PHYKPL: variants seen among roughly 807,000 people sequenced by gnomAD.
PHYKPL encodes the protein 5-phosphohydroxy-L-lysine phospho-lyase.
A neutral mutation model predicts 51.3 loss-of-function variants in PHYKPL; 42 were observed. The ratio of observed to expected loss-of-function variants is 0.82; its 90% confidence interval spans 0.64 to 1.06. The LOEUF is 1.06. Ranked by LOEUF, PHYKPL falls within the 50% of genes least tolerant of loss-of-function variation. PHYKPL has a pLI of 0.00. For synonymous variants in PHYKPL, 264 were observed against 236.0 expected, an observed-to-expected ratio of 1.12 and a Z score of -1.09; for missense variants, 655 against 586.6, an observed-to-expected ratio of 1.12 and a Z score of -1.20.
Position 178,212,048 on chromosome 5 carries a change from C to G in PHYKPL, c.1304-78G>C, listed in dbSNP as rs77359479. On this transcript the variant is annotated intron_variant, in intron 11 of 12. Transcript: ENST00000308158. The stretch of plus-strand genomic sequence containing the variant: ...TGCCCTGTTGACTTCAGTGTCCAAA[C>G]TGGAGGACAGTTTAGAGATTGGGCC... The G allele has an allele frequency of 4.8e-4, 723 of 1,510,704 alleles. 2 individuals carry two copies. The African/African-American group carries it at 8.9e-3, about 19-fold the overall frequency. The allele number at this position is 1,510,704 out of a possible 1,614,324, so 93.6% of individuals were successfully genotyped here.
intron 3 of PHYKPL, chr5:178,228,683 A>G: frequency 1.4e-6 from 1 of 692,184 alleles, no homozygotes; most frequent in Middle Eastern, 2.3e-4. Flanking sequence ...CATCACTATA[A>G]TTCAACGCCA....
chr5:178,212,877 G>T, intron 11 of PHYKPL, 96 bp downstream of exon 11: 1 of 1,521,842 alleles, frequency 6.6e-7, no homozygotes, highest in Non-Finnish European at 8.9e-7. Context: ...TCTGCTCTTG[G>T]ACTCTTGTCC....
intron 12 of PHYKPL, chr5:178,210,830 A>G (rs1758072942): frequency 5.1e-6 from 3 of 591,704 alleles, no homozygotes; most frequent in East Asian, 5.7e-5. Flanking sequence ...CTGAGAGGCC[A>G]TAGCGCCATC....
At chr5:178,211,794 A>AG in intron 12 of PHYKPL, 96 bp downstream of exon 12, 5 of 794,170 alleles carry the variant, frequency 6.3e-6, no homozygotes, top group Non-Finnish European at 1.0e-5. Flanking sequence ...AACAAAAAAA[A>AG]GTCTTAAAAA....
At chr5:178,229,906 C>A in intron 3 of PHYKPL, 34 bp downstream of exon 3, 1 of 1,606,656 alleles carries the variant, frequency 6.2e-7, no homozygotes, top group Non-Finnish European at 8.5e-7. Context: ...TACCGTCTCA[C>A]CCTCTTCCCG....
chr5:178,211,261 C>T (rs1297616165), intron 12 of PHYKPL: 2 of 153,424 alleles, frequency 1.3e-5, no homozygotes, highest in Non-Finnish European at 2.9e-5. Context: ...GGGCTTTCTC[C>T]TGCAGCAGGC....
At chr5:178,231,848 A>G (rs1158888981) in intron 1 of PHYKPL, 4 of 1,344,650 alleles carry the variant, frequency 3.0e-6, no homozygotes. Flanking sequence ...TCCCATGGGG[A>G]CTCCATAAGG....
At chr5:178,223,548 GGGATACT>G in intron 6 of PHYKPL, 1 of 452,402 alleles carries the variant, frequency 2.2e-6, no homozygotes. Context: ...CCAATGGGAT[GGGATACT>G]GGTCCCCCAC....
intron 1 of PHYKPL, chr5:178,231,786 C>T: frequency 7.0e-7 from 1 of 1,438,614 alleles, no homozygotes; most frequent in Non-Finnish European, 9.3e-7. Context: ...TTGCTCATTT[C>T]TGCATGTGTC....
chr5:178,220,194 C>CAA (rs34898072), intron 8 of PHYKPL, among the ~76,000 whole-genome samples: 2,338 of 95,596 alleles, frequency 0.024, 50 homozygotes, highest in African/African-American at 0.081. Context: ...GACCCCGTTT[C>CAA]AAAAAAAAAA....
intron 11 of PHYKPL, among the ~76,000 whole-genome samples, chr5:178,212,212 T>C (rs961645649): frequency 6.6e-6 from 1 of 152,182 alleles, no homozygotes; most frequent in Non-Finnish European, 1.5e-5. Flanking sequence ...CAGCCTTTGC[T>C]CTCCACAAAC....
chr5:178,223,657 G>C (rs914314258), intron 6 of PHYKPL: 1 of 352,996 alleles, frequency 2.8e-6, no homozygotes, highest in African/African-American at 2.2e-5. Flanking sequence ...CCCTGGTCGG[G>C]TTCTGCTAAC....
In PHYKPL at chr5:178,231,436, T is replaced by C. The variant is rs759458689; in HGVS notation, c.147A>G (p.Glu49=). The C allele has an allele frequency of 2.5e-6, 4 of 1,614,202 alleles. No individual in the cohort carries two copies. Among genetic ancestry groups the C allele is most frequent in the Non-Finnish European group, 3.4e-6 (4 of 1,180,026 alleles). ...GQYMYDEQGA[E]YIDCISNVAH... is the part of the protein sequence containing the mutation. ...CCACATTGCTGATGCAATCGATGTA[T>C]TCTGCCCCCTGTTCATCGTACATGT... The change falls in exon 2 of 13, where the codon GAA becomes GAG. Residue 49 remains glutamate, a synonymous_variant. Coordinates refer to ENST00000308158, the MANE Select transcript of PHYKPL (RefSeq NM_153373.4).
intron 8 of PHYKPL, chr5:178,215,860 CTG>C: frequency 6.2e-6 from 1 of 162,462 alleles, no homozygotes; most frequent in Admixed American, 6.4e-5. Flanking sequence ...CTTCACACCC[CTG>C]GAGGGCTCTG....
chr5:178,210,988 A>AT (rs1369201934), intron 12 of PHYKPL: 1 of 239,160 alleles, frequency 4.2e-6, no homozygotes, highest in Non-Finnish European at 8.1e-6. Context: ...TCACCTTTTA[A>AT]TTTTATATTA....
At chr5:178,210,655 A>G (rs1581189673) in intron 12 of PHYKPL, 1 of 1,552,692 alleles carries the variant, frequency 6.4e-7, no homozygotes, top group Non-Finnish European at 8.9e-7. Flanking sequence ...CTGATCGCAC[A>G]CATGCTTTGT....
chr5:178,231,500 G>GA lies in PHYKPL; in HGVS notation c.82_83insT (p.Pro28LeufsTer6). The GA allele has an allele frequency of 6.2e-7, 1 of 1,614,116 alleles. No individual in the cohort carries two copies. Among genetic ancestry groups the GA allele is most frequent in the Non-Finnish European group, 8.5e-7 (1 of 1,180,022 alleles). On this transcript the variant is annotated frameshift_variant, in exon 2 of 13. Coordinates refer to ENST00000308158, the MANE Select transcript of PHYKPL (RefSeq NM_153373.4). LOFTEE classifies it high-confidence loss of function. ...CCGGACAATCTTAACAGGATCCTCG[G>GA]GAAAAAAGAGTCTGCAGGAAGAGCT... is the stretch of plus-strand genomic sequence containing the variant.
Position 178,210,260 on chromosome 5 carries a change from G to A in PHYKPL, c.*32-1345C>T, listed in dbSNP as rs369576001. The A allele has an allele frequency of 7.9e-5, 128 of 1,613,910 alleles. No individual in the cohort carries two copies. Among genetic ancestry groups the A allele is most frequent in the Middle Eastern group, 1.6e-4 (1 of 6,084 alleles). ...CTATGGCTATTACGGCTACGGCCCCGGCTACGACTACAGTAAGTAGGAGAG... is the reference window on the plus strand; with the variant it reads ...CTATGGCTATTACGGCTACGGCCCCAGCTACGACTACAGTAAGTAGGAGAG... On this transcript the variant is annotated intron_variant, in intron 12 of 12. Transcript: ENST00000308158.
At chr5:178,220,731 A>C (rs915806035) in intron 8 of PHYKPL, among the ~76,000 whole-genome samples, 10 of 76,946 alleles carry the variant, frequency 1.3e-4, no homozygotes, top group South Asian at 4.0e-4. Flanking sequence ...CAAAAAAAAA[A>C]AAAAAACAAA....
Sources: gnomAD v4.1 joint callset for allele counts (sites outside exome capture counted in the v4.1 genomes callset) on GRCh38, gnomAD v4.1.1 for gene constraint, MANE v1.5 for transcripts, NCBI Gene and HGNC (gene_info 2026-07-23, HGNC 2026-07-21) for gene names.